CAMKK2: variants seen among roughly 807,000 people sequenced by gnomAD.
CAMKK2 encodes calcium/calmodulin dependent protein kinase kinase 2.
In CAMKK2, 30 loss-of-function variants were observed where a neutral mutation model predicts 67.2. The observed-to-expected ratio is 0.45, with a 90% confidence interval of 0.33 to 0.61. The LOEUF is 0.61. Ranked by LOEUF, CAMKK2 falls within the 20% of genes least tolerant of loss-of-function variation. The pLI, the probability that CAMKK2 is intolerant of heterozygous loss-of-function variation, is 0.02. For missense variants in CAMKK2, 643 were observed against 802.0 expected (o/e 0.80, Z 2.39); for synonymous variants, 322 against 326.2 (o/e 0.99, Z 0.14).
intron 1 of CAMKK2, among the ~76,000 whole-genome samples, chr12:121,295,744 A>G (rs1270624603): frequency 3.3e-5 from 5 of 152,114 alleles, no homozygotes; most frequent in African/African-American, 1.2e-4. Context: ...CGCCCTCCCC[A>G]AAGCTCAGCC....
At chr12:121,274,805 C>T (rs10849864) in intron 1 of CAMKK2, among the ~76,000 whole-genome samples, 27 of 132,902 alleles carry the variant, frequency 2.0e-4, no homozygotes, top group South Asian at 1.2e-3. Context: ...CTTTTTTTTT[C>T]TTTTTTTTTT....
At chr12:121,271,235 T>G (rs1384337227) in intron 2 of CAMKK2, among the ~76,000 whole-genome samples, 1 of 149,056 alleles carries the variant, frequency 6.7e-6, no homozygotes, top group African/African-American at 2.5e-5. Context: ...GATTGCACCA[T>G]TGCACTCCAG....
intron 11 of CAMKK2, among the ~76,000 whole-genome samples, chr12:121,251,479 G>T (rs1334508727): frequency 1.3e-5 from 2 of 152,048 alleles, no homozygotes; most frequent in African/African-American, 4.8e-5. Context: ...TCAGGAAAGG[G>T]AAAAATCTAC....
Position 121,260,321 on chromosome 12 carries a change from A to G in CAMKK2, c.794T>C (p.Met265Thr), listed in dbSNP as rs1473818454. 1 of 1,609,984 alleles carries G rather than the reference A, an allele frequency of 6.2e-7. No homozygotes were observed. Among genetic ancestry groups the G allele is most frequent in the South Asian group, 1.1e-5 (1 of 89,660 alleles). The change falls in exon 7 of 17, where the codon ATG (methionine) becomes ACG (threonine). Residue 265 changes from methionine to threonine, a missense_variant and splice_region_variant. Met to Thr is a moderately conservative substitution (Grantham distance 81, BLOSUM62 -1). Around this residue, in one of 3 missense-constraint regions of CAMKK2, gnomAD observed 483 missense variants for 625.8 expected, o/e 0.77. Transcript: ENST00000404169. ...GCAGAAGAAAAGGGCTTCCTTACCC[A>G]TGTACAGATGGTCCTCATTGGGGTC... ...LDDPNEDHLY[M>T]VFELVNQGPV...
At position 121,237,996 on chromosome 12, in the gene CAMKK2, G is replaced by A. The variant is rs201650187; in HGVS notation, c.*2703C>T. The A allele has an allele frequency of 6.6e-6, 1 of 152,654 alleles. No homozygotes were observed. The highest frequency in any genetic ancestry group is 2.1e-4 in the South Asian group (1 of 4,832). The allele number at this position is 152,654 out of a possible 1,614,324, so 9.5% of individuals were successfully genotyped here. On this transcript the variant is annotated 3_prime_UTR_variant, in exon 17 of 17. Transcript: ENST00000404169. This position sits in a 1 kb window ranked among gnomAD's most constrained non-coding sequence, Gnocchi z 4.5. The stretch of plus-strand genomic sequence containing the variant: ...TTCCCTAGCACCTTGGAAGCAAGTG[G>A]AGGTCATGGTTCTTCCACTCGGCAA...
chr12:121,269,418 A>T, intron 4 of CAMKK2, 110 bp downstream of exon 4: 1 of 835,044 alleles, frequency 1.2e-6, no homozygotes, highest in Non-Finnish European at 2.0e-6. Flanking sequence ...AACATGACCT[A>T]AGAATAAAAT....
intron 1 of CAMKK2, among the ~76,000 whole-genome samples, chr12:121,279,120 G>A (rs1009093100): frequency 2.0e-5 from 3 of 152,218 alleles, no homozygotes; most frequent in African/African-American, 7.2e-5. Flanking sequence ...TGAGCCATCC[G>A]CCCCCAGCAA....
chr12:121,274,307 G>A lies in CAMKK2; in HGVS notation c.220C>T (p.Leu74=). The A allele has an allele frequency of 1.2e-6, 2 of 1,613,050 alleles. No homozygotes were observed. The highest frequency in any genetic ancestry group is 1.1e-5 in the South Asian group (1 of 91,078). Residue 74 remains leucine (L), a synonymous_variant, in exon 2 of 17, where the codon CTG becomes TTG. Coordinates refer to ENST00000404169, the MANE Select transcript of CAMKK2 (RefSeq NM_001270485.2). ...GGGACCTCTTGGCCATCGGCCTCCA[G>A]GGGCCGGTCCCGCGCCAAGCCGAGG... ...VDLGLARDRP[L]EADGQEVPLD...
intron 11 of CAMKK2, among the ~76,000 whole-genome samples, chr12:121,250,715 A>G (rs1202786492): frequency 6.6e-6 from 1 of 152,180 alleles, no homozygotes; most frequent in Non-Finnish European, 1.5e-5. Flanking sequence ...AGCTCCAAGA[A>G]GGCAGGGATT....
chr12:121,265,763 C>T (rs934800272), intron 5 of CAMKK2, among the ~76,000 whole-genome samples: 2 of 151,628 alleles, frequency 1.3e-5, no homozygotes, highest in Non-Finnish European at 2.9e-5. Context: ...GAGCCTGAGG[C>T]AGGAGAATTG....
At position 121,269,552 on chromosome 12, in the gene CAMKK2, G is replaced by A; in HGVS notation, c.549C>T (p.Tyr183=). 1 of 1,607,694 alleles carries A rather than the reference G, an allele frequency of 6.2e-7. No homozygotes were observed. Among genetic ancestry groups the A allele is most frequent in the Non-Finnish European group, 8.5e-7 (1 of 1,176,444 alleles). The change falls in exon 4 of 17, where the codon TAC becomes TAT. Residue 183 remains tyrosine, a synonymous_variant. Transcript: ENST00000404169. ...KGSYGVVKLA[Y]NENDNTYYAM... Reference sequence around the variant, plus strand: ...CATAGTAGGTATTGTCATTTTCATTGTAGGCCAACTTGACGACACCATAGG... The same window carrying A: ...CATAGTAGGTATTGTCATTTTCATTATAGGCCAACTTGACGACACCATAGG...
chr12:121,272,694 C>T (rs537468409), intron 2 of CAMKK2, among the ~76,000 whole-genome samples: 11 of 132,946 alleles, frequency 8.3e-5, no homozygotes, highest in African/African-American at 3.4e-4. Context: ...ATTACCCCAT[C>T]TCTACTTAAA....
At chr12:121,277,761 G>A (rs1354113941) in intron 1 of CAMKK2, among the ~76,000 whole-genome samples, 1 of 152,188 alleles carries the variant, frequency 6.6e-6, no homozygotes. Flanking sequence ...GAGGTTAGGA[G>A]TTCCAGATAA....
chr12:121,247,038 T>C (rs930486279), intron 14 of CAMKK2, among the ~76,000 whole-genome samples: 1 of 152,110 alleles, frequency 6.6e-6, no homozygotes, highest in Non-Finnish European at 1.5e-5. Flanking sequence ...TTCAAACCCA[T>C]GCTCTTGGAG....
At position 121,296,684 on chromosome 12, in the gene CAMKK2, C is replaced by G. The variant is rs1053450863; in HGVS notation, c.-106G>C. On this transcript the variant is annotated 5_prime_UTR_variant, in exon 1 of 17. Coordinates refer to ENST00000404169, the MANE Select transcript of CAMKK2 (RefSeq NM_001270485.2). This position sits in a 1 kb window ranked among gnomAD's most constrained non-coding sequence, Gnocchi z 7.1. ...CCTCCCGCGCTCTGCGCCCCCAGCT[C>G]GGCTCGGCTCGGCTCAGCTTGCTCT... The G allele has an allele frequency of 1.0e-4, 15 of 149,426 alleles. No homozygotes were observed. The highest frequency in any genetic ancestry group is 3.6e-4 in the African/African-American group (15 of 41,172). The allele number at this position is 149,426 out of a possible 1,614,324, so 9.3% of individuals were successfully genotyped here. A position where few individuals can be genotyped will look rare whatever the true frequency, so the allele number is the denominator to read the frequency against.
intron 1 of CAMKK2, among the ~76,000 whole-genome samples, chr12:121,293,464 C>T (rs1238822468): frequency 6.7e-6 from 1 of 148,696 alleles, no homozygotes; most frequent in Non-Finnish European, 1.5e-5. Context: ...ATTACTCAGC[C>T]TCTCTGAGCC....
At chr12:121,242,516 T>A (rs1419416403) in intron 16 of CAMKK2, among the ~76,000 whole-genome samples, 1 of 152,166 alleles carries the variant, frequency 6.6e-6, no homozygotes, top group Non-Finnish European at 1.5e-5. Flanking sequence ...TCCGTGAGGC[T>A]CACACCCAAG....
chr12:121,245,901 T>C lies in CAMKK2; in HGVS notation c.1453-661A>G, dbSNP rs949144295. ...GAAGATAAACTCAAAGCGGTCTGTC[T>C]GTGCAATGGAACATGATTCAGCCAT... On this transcript the variant is annotated intron_variant, in intron 14 of 16. Coordinates refer to ENST00000404169, the MANE Select transcript of CAMKK2 (RefSeq NM_001270485.2). This position sits in a 1 kb window ranked among gnomAD's most constrained non-coding sequence, Gnocchi z 5.8. 6.6e-6 allele frequency among the ~76,000 whole-genome samples: 1 copy of C among 152,360 alleles called. No homozygotes were observed. The highest frequency in any genetic ancestry group is 1.5e-5 in the Non-Finnish European group (1 of 68,036).
At chr12:121,272,180 A>T (rs1261005318) in intron 2 of CAMKK2, among the ~76,000 whole-genome samples, 1 of 152,214 alleles carries the variant, frequency 6.6e-6, no homozygotes, top group Non-Finnish European at 1.5e-5. Flanking sequence ...ACCACAGGCC[A>T]CTCTACCCAA....
Sources: allele counts gnomAD v4.1 joint callset (sites outside exome capture counted in the v4.1 genomes callset), GRCh38; gene constraint gnomAD v4.1.1; regional missense constraint gnomAD v4.1.1; non-coding constraint Gnocchi (gnomAD v3.1); transcripts MANE v1.5; gene names NCBI Gene and HGNC (gene_info 2026-07-23, HGNC 2026-07-21).